The following TMEM132D variants were observed in gnomAD, a reference collection of about 807,000 sequenced individuals.
TMEM132D encodes transmembrane protein 132D, also known as mature OL transmembrane protein.
In TMEM132D, 21 loss-of-function variants were observed where a neutral mutation model predicts 62.3. That is an observed-to-expected ratio of 0.34 (90% CI 0.24 to 0.49). TMEM132D has a LOEUF of 0.49. TMEM132D is among the 20% of genes least tolerant of loss of function. TMEM132D has a pLI of 0.99. For missense variants in TMEM132D, 1,346 were observed against 1,402.8 expected, an observed-to-expected ratio of 0.96 and a Z score of 0.65; for synonymous variants, 621 against 575.6, an observed-to-expected ratio of 1.08 and a Z score of -1.13.
chr12:129,652,762 C>A (rs1233591286), intron 2 of TMEM132D, among the ~76,000 whole-genome samples: 3 of 152,224 alleles, frequency 2.0e-5, no homozygotes, highest in Non-Finnish European at 4.4e-5. Flanking sequence ...TAAGACAACA[C>A]GTTTGTGCTG....
chr12:129,513,679 G>A (rs1162327884), intron 3 of TMEM132D, among the ~76,000 whole-genome samples: 1 of 151,270 alleles, frequency 6.6e-6, no homozygotes, highest in Non-Finnish European at 1.5e-5. Flanking sequence ...TAGAGACGGG[G>A]TTTCACCGTG....
intron 3 of TMEM132D, among the ~76,000 whole-genome samples, chr12:129,518,559 A>G (rs61945380): frequency 0.33 from 34,783 of 104,084 alleles, 4,328 homozygotes; most frequent in East Asian, 0.5. Flanking sequence ...GTGTGTGTGT[A>G]TATATATACA....
rs568202610 is a variant in TMEM132D at position 129,859,349 on chromosome 12, G to C, written c.79+43912C>G. 6.6e-5 allele frequency among the ~76,000 whole-genome samples: 10 copies of C among 152,244 alleles called. No homozygotes were observed. The East Asian group carries it at 1.9e-3, about 29-fold the overall frequency. ...GCCATTAAACGTAATAGCAAAAACCGCAATTACTTTTGCACCAACATACTC... is the reference window on the plus strand; with the variant it reads ...GCCATTAAACGTAATAGCAAAAACCCCAATTACTTTTGCACCAACATACTC... On this transcript the variant is annotated intron_variant, in intron 1 of 8. Transcript: ENST00000422113.
In TMEM132D at chr12:129,081,915, G is replaced by C. The variant is rs1221385997; in HGVS notation, c.1767C>G (p.Gly589=). Residue 589 remains glycine (G), a synonymous_variant, in exon 7 of 9, where the codon GGC becomes GGG. Coordinates refer to ENST00000422113, the MANE Select transcript of TMEM132D (RefSeq NM_133448.3). ...VLTQFVAEAA[G]PGGHLAHLLG... The stretch of plus-strand genomic sequence containing the variant: ...GCAGGTGGGCCAGGTGTCCCCCAGG[G>C]CCGGCCGCCTCAGCCACAAACTGCG... The C allele has an allele frequency of 6.2e-7, 1 of 1,614,028 alleles. No homozygotes were observed. Among genetic ancestry groups the C allele is most frequent in the Admixed American group, 1.7e-5 (1 of 60,018 alleles).
chr12:129,756,229 A>G (rs1421766036), intron 1 of TMEM132D, among the ~76,000 whole-genome samples: 1 of 152,198 alleles, frequency 6.6e-6, no homozygotes, highest in Non-Finnish European at 1.5e-5. Context: ...CCTAGAGTTC[A>G]TAATACCATA....
chr12:129,698,537 AAGGG>A (rs1881264717), intron 2 of TMEM132D, among the ~76,000 whole-genome samples: 1 of 36,094 alleles, frequency 2.8e-5, no homozygotes, highest in African/African-American at 1.1e-4. Context: ...GGGAGAGGGG[AAGGG>A]AGGGGAGGGG....
At chr12:129,093,734 C>G (rs1319590837) in intron 5 of TMEM132D, among the ~76,000 whole-genome samples, 1 of 152,174 alleles carries the variant, frequency 6.6e-6, no homozygotes, top group Non-Finnish European at 1.5e-5. Flanking sequence ...CAAGTCAATC[C>G]TAAGCCAAAA....
At chr12:129,511,085 G>A (rs779588923) in intron 3 of TMEM132D, among the ~76,000 whole-genome samples, 13 of 152,170 alleles carry the variant, frequency 8.5e-5, no homozygotes, top group Non-Finnish European at 1.2e-4. Context: ...ATAGTTGGCC[G>A]AACTTTGATA....
intron 3 of TMEM132D, among the ~76,000 whole-genome samples, chr12:129,340,261 C>T (rs1869425558): frequency 6.6e-6 from 1 of 152,118 alleles, no homozygotes; most frequent in South Asian, 2.1e-4. Flanking sequence ...CAGCCAACTG[C>T]CCTCTCTATG....
intron 1 of TMEM132D, among the ~76,000 whole-genome samples, chr12:129,831,933 G>A (rs1424085455): frequency 2.1e-5 from 3 of 140,724 alleles, no homozygotes; most frequent in Admixed American, 7.8e-5. Context: ...GCAGTAGCAC[G>A]ATCTCAGCTC....
chr12:129,327,432 A>C (rs1868951217), intron 4 of TMEM132D, among the ~76,000 whole-genome samples: 1 of 152,190 alleles, frequency 6.6e-6, no homozygotes, highest in Non-Finnish European at 1.5e-5. Flanking sequence ...TGTTAATATT[A>C]ACTTTAGAAA....
intron 2 of TMEM132D, among the ~76,000 whole-genome samples, chr12:129,674,024 A>G (rs749694016): frequency 6.6e-6 from 1 of 152,202 alleles, no homozygotes; most frequent in Non-Finnish European, 1.5e-5. Flanking sequence ...CAGATGACAC[A>G]TGAAGACTGA....
chr12:129,420,446 C>T (rs750435269), intron 3 of TMEM132D, among the ~76,000 whole-genome samples: 36 of 151,670 alleles, frequency 2.4e-4, no homozygotes, highest in African/African-American at 8.2e-4. Context: ...TCTCAAATAC[C>T]GTGAAGCACA....
At chr12:129,663,518 A>G (rs753718184) in intron 2 of TMEM132D, among the ~76,000 whole-genome samples, 4 of 152,234 alleles carry the variant, frequency 2.6e-5, no homozygotes, top group African/African-American at 4.8e-5. Flanking sequence ...TCACCAGGAC[A>G]TATTGAATCA....
At chr12:129,271,798 T>C (rs764887349) in intron 4 of TMEM132D, among the ~76,000 whole-genome samples, 4 of 152,056 alleles carry the variant, frequency 2.6e-5, no homozygotes, top group Admixed American at 1.3e-4. Flanking sequence ...ATTTTCTTTA[T>C]CAAGTCTATC....
At chr12:129,337,610 C>G (rs1370613530) in intron 4 of TMEM132D, 24 bp downstream of exon 4, 7 of 1,610,312 alleles carry the variant, frequency 4.3e-6, no homozygotes, top group Non-Finnish European at 5.9e-6. Context: ...TCAGTTCTAA[C>G]AGCCCAGGGC....
At chr12:129,506,575 C>T (rs1419885357) in intron 3 of TMEM132D, among the ~76,000 whole-genome samples, 3 of 152,180 alleles carry the variant, frequency 2.0e-5, no homozygotes, top group African/African-American at 7.2e-5. Context: ...GCCAACTGAT[C>T]TTTGACAAAC....
intron 1 of TMEM132D, among the ~76,000 whole-genome samples, chr12:129,710,545 C>T (rs1881616074): frequency 6.6e-6 from 1 of 152,198 alleles, no homozygotes; most frequent in South Asian, 2.1e-4. Flanking sequence ...GATCCACCCA[C>T]CTCGGCTTCC....
chr12:129,469,763 C>A (rs1265911192), intron 3 of TMEM132D, among the ~76,000 whole-genome samples: 3 of 152,138 alleles, frequency 2.0e-5, no homozygotes, highest in Non-Finnish European at 4.4e-5. Context: ...TAGTTTTGTC[C>A]TTTGTCGTCT....
Sources: gnomAD v4.1 joint callset for allele counts (sites outside exome capture counted in the v4.1 genomes callset) on GRCh38, gnomAD v4.1.1 for gene constraint, MANE v1.5 for transcripts, NCBI Gene and HGNC (gene_info 2026-07-23, HGNC 2026-07-21) for gene names.